PLEC: variants seen among roughly 807,000 people sequenced by gnomAD.
PLEC encodes the protein plectin.
In PLEC, 216 loss-of-function variants were observed where a neutral mutation model predicts 392.8. That is an observed-to-expected ratio of 0.55 (90% confidence interval 0.49 to 0.62). PLEC has a LOEUF of 0.62. PLEC is among the 20% of genes least tolerant of loss of function. The pLI is 0.00. For synonymous variants in PLEC, 3,621 were observed against 2,980.6 expected, an observed-to-expected ratio of 1.21 and a Z score of -7.00; for missense variants, 6,863 against 6,563.4, an observed-to-expected ratio of 1.05 and a Z score of -1.58.
chr8:143,932,063 G>A lies in PLEC; in HGVS notation c.2083-31C>T, dbSNP rs782166470. The A allele has an allele frequency of 1.4e-5, 22 of 1,550,118 alleles. 1 individual carries two copies. In the African/African-American group the frequency reaches 1.8e-4, roughly 13 times the overall value. The stretch of plus-strand genomic sequence containing the variant: ...GGACAGCAGGTCCCGGTCAGGCCCC[G>A]CCCCGCCCCGCCTGGGGACCCGGCA... On this transcript the variant is annotated intron_variant, in intron 17 of 31. Coordinates refer to ENST00000345136, the MANE Select transcript of PLEC (RefSeq NM_201384.3).
rs1820787584 is a variant in PLEC at position 143,917,017 on chromosome 8, G to A, written c.12804C>T (p.Ala4268=). The A allele has an allele frequency of 2.5e-6, 4 of 1,612,512 alleles. No homozygotes were observed. The East Asian group carries it at 8.9e-5, about 36-fold the overall frequency. ...ISPAVSRTQL[A]SWSDPTEETG... ...TCTCCTCAGTGGGGTCTGACCAGGA[G>A]GCCAGCTGGGTCCTGGAGACGGCGG... is the stretch of plus-strand genomic sequence containing the variant. The change falls in exon 32 of 32, where the codon GCC becomes GCT. Residue 4268 remains alanine (A), a synonymous_variant. Coordinates refer to ENST00000345136, the MANE Select transcript of PLEC (RefSeq NM_201384.3).
chr8:143,921,924 G>GGGT lies in PLEC; in HGVS notation c.7896_7897insACC (p.Ala2632_Leu2633insThr). 1.3e-6 allele frequency: 2 copies of GGGT among 1,599,558 alleles called. No homozygotes were observed. The highest frequency in any genetic ancestry group is 1.7e-6 in the Non-Finnish European group (2 of 1,179,802). ...TCTGCCTCTGCCGCGGGGCCATCAA[G>GGGT]TGCATCCCGGCCATTGGGCAGGGTC... is the stretch of plus-strand genomic sequence containing the variant. On this transcript the variant is annotated inframe_insertion, in exon 32 of 32. Transcript: ENST00000345136.
Position 143,931,968 on chromosome 8 carries a change from G to T in PLEC, c.2147C>A (p.Ala716Glu). Residue 716 changes from alanine (A) to glutamate (E), a missense_variant, in exon 18 of 32, where the codon GCA becomes GAA. Ala to Glu is a moderately radical substitution (Grantham distance 107). Coordinates refer to ENST00000345136, the MANE Select transcript of PLEC (RefSeq NM_201384.3). ...WMLQLCCCIE[A>E]HLKENAAYFQ... ...GTAGGCAGCGTTCTCCTTCAGGTGT[G>T]CCTCGATACAGCAGCACAGCTGTAG... The T allele has an allele frequency of 1.2e-6, 2 of 1,607,778 alleles. No homozygotes were observed. The highest frequency in any genetic ancestry group is 1.7e-5 in the Admixed American group (1 of 59,676).
chr8:143,973,857 C>T (rs948560117), upstream of PLEC, among the ~76,000 whole-genome samples: 1 of 152,030 alleles, frequency 6.6e-6, no homozygotes, highest in Non-Finnish European at 1.5e-5. The surrounding 1 kb of genome is among the most constrained non-coding windows in gnomAD (Gnocchi z 5.6). Flanking sequence ...GCCCGCCCCC[C>T]ACCTTGCTTC....
chr8:143,952,926 G>A (rs1267062214), upstream of PLEC, among the ~76,000 whole-genome samples: 1 of 151,832 alleles, frequency 6.6e-6, no homozygotes, highest in Non-Finnish European at 1.5e-5. Flanking sequence ...GCAGGGAGGA[G>A]CCCGGAGCAG....
At chr8:143,955,245 G>A (rs1175195669), upstream of PLEC, among the ~76,000 whole-genome samples, 3 of 152,226 alleles carry the variant, frequency 2.0e-5, no homozygotes, top group Non-Finnish European at 2.9e-5. Context: ...GGGAGGCCGA[G>A]GCAGGTGGAC....
In PLEC at chr8:143,924,473, AGCTGCC is replaced by A. The variant is rs1326734672; in HGVS notation, c.5450_5455del (p.Arg1817_Gln1818del). 1.7e-5 allele frequency: 26 copies of A among 1,541,208 alleles called. No individual in the cohort carries two copies. The highest frequency in any genetic ancestry group is 2.0e-5 in the Non-Finnish European group (23 of 1,153,054). Reference sequence around the variant, plus strand: ...CTGCCGCGCCGCGTCTTCCTCGGCCAGCTGCCGCTGCCGCTTGGCCTCTTCCGCCAG... The same window carrying A: ...CTGCCGCGCCGCGTCTTCCTCGGCCAGCTGCCGCTTGGCCTCTTCCGCCAG... On this transcript the variant is annotated inframe_deletion, in exon 31 of 32. Transcript: ENST00000345136.
At chr8:143,937,274 C>T (rs374706843) in intron 3 of PLEC, 32 bp from the exon 4 acceptor site, 3 of 1,550,562 alleles carry the variant, frequency 1.9e-6, no homozygotes, top group Non-Finnish European at 1.8e-6. Context: ...ACCCACAGTG[C>T]AGCTGCAGCT....
chr8:143,971,586 T>C (rs911129261), intron 1 of PLEC, among the ~76,000 whole-genome samples: 2 of 152,152 alleles, frequency 1.3e-5, no homozygotes, highest in East Asian at 3.9e-4. Flanking sequence ...TCCTCAGCCT[T>C]GGTCCGTGGC....
intron 1 of PLEC, chr8:143,944,864 C>G: frequency 2.0e-6 from 1 of 508,424 alleles, no homozygotes; most frequent in Non-Finnish European, 3.3e-6. Context: ...GAGGAGGGCG[C>G]GCAAGGACCG....
intron 6 of PLEC, 125 bp from the exon 7 acceptor site, chr8:143,935,438 A>T: frequency 1.4e-6 from 1 of 733,352 alleles, no homozygotes; most frequent in Non-Finnish European, 2.4e-6. Flanking sequence ...ACTCACCCTG[A>T]AAAATACACT....
At chr8:143,927,147 C>A in intron 28 of PLEC, 66 bp from the exon 29 acceptor site, 3 of 1,559,156 alleles carry the variant, frequency 1.9e-6, no homozygotes, top group Non-Finnish European at 2.6e-6. Context: ...AGCCCCTAAA[C>A]CCTCACATGG....
chr8:143,951,922 C>A (rs894506185), upstream of PLEC, among the ~76,000 whole-genome samples: 5 of 152,086 alleles, frequency 3.3e-5, no homozygotes, highest in Non-Finnish European at 7.4e-5. Flanking sequence ...GCATGAGAAC[C>A]GCACCCAACA....
At position 143,927,308 on chromosome 8, in the gene PLEC, C is replaced by T. The variant is rs782158050; in HGVS notation, c.3784G>A (p.Gly1262Ser). ...QALLEEIERH[G>S]EKVEECQRFA... ...CTCTGGCACTCCTCGACCTTCTCGC[C>T]GTGGCGCTCGATCTCCTCCAGCAGG... The change falls in exon 28 of 32, where the codon GGC becomes AGC. Residue 1262 changes from glycine to serine, a missense_variant. Transcript: ENST00000345136. The T allele has an allele frequency of 3.7e-5, 59 of 1,613,126 alleles. No individual in the cohort carries two copies. The highest frequency in any genetic ancestry group is 4.2e-5 in the Non-Finnish European group (50 of 1,179,982).
In PLEC at chr8:143,923,901, C is replaced by T; in HGVS notation, c.6028G>A (p.Glu2010Lys). 3 of 1,594,998 alleles carry T rather than the reference C, an allele frequency of 1.9e-6. No individual in the cohort carries two copies. Among genetic ancestry groups the T allele is most frequent in the Non-Finnish European group, 2.5e-6 (3 of 1,178,156 alleles). ...ACCTTGGCTTTCAGCCGCTCGACTT[C>T]CTCCAGCGCCGCCTTCCGCTGCCGT... ...AARQRKAALE[E>K]VERLKAKVEE... The change falls in exon 31 of 32, where the codon GAA (glutamate) becomes AAA (lysine). Residue 2010 changes from glutamate (E) to lysine (K), a missense_variant. Transcript: ENST00000345136.
chr8:143,952,770 T>G (rs1388185605), upstream of PLEC, among the ~76,000 whole-genome samples: 1 of 152,016 alleles, frequency 6.6e-6, no homozygotes, highest in Admixed American at 6.5e-5. Flanking sequence ...TGACCCCCGC[T>G]GGGCCGCCAC....
chr8:143,953,547 C>T (rs1245074051), upstream of PLEC, among the ~76,000 whole-genome samples: 1 of 152,098 alleles, frequency 6.6e-6, no homozygotes, highest in Non-Finnish European at 1.5e-5. Context: ...AGTAGGACCC[C>T]GAACCAGGTG....
At position 143,919,551 on chromosome 8, in the gene PLEC, C is replaced by G; in HGVS notation, c.10270G>C (p.Glu3424Gln). 15 of 1,609,112 alleles carry G rather than the reference C, an allele frequency of 9.3e-6. No individual in the cohort carries two copies. Among genetic ancestry groups the G allele is most frequent in the Non-Finnish European group, 1.3e-5 (15 of 1,178,820 alleles). Residue 3424 changes from glutamate (E) to glutamine (Q), a missense_variant, in exon 32 of 32, where the codon GAG (glutamate) becomes CAG (glutamine). By Grantham distance (29) the Glu-to-Gln change is conservative. Transcript: ENST00000345136. ...GCCTTCTCGGCAGACAGCAGCTGCT[C>G]GTGAAGCTCGGGGCCCACCACGCCC... ...KAGVVGPELHEQLLSAEKAVT... is the reference protein window; with the variant it reads ...KAGVVGPELHQQLLSAEKAVT...
chr8:143,943,428 G>A (rs1320822327), upstream of PLEC, among the ~76,000 whole-genome samples: 1 of 152,194 alleles, frequency 6.6e-6, no homozygotes, highest in Non-Finnish European at 1.5e-5. Context: ...GTGTGTGCAG[G>A]GAGCCACCTC....
Sources: gnomAD v4.1 joint callset for allele counts (sites outside exome capture counted in the v4.1 genomes callset) on GRCh38, gnomAD v4.1.1 for gene constraint, Gnocchi (gnomAD v3.1) non-coding constraint, MANE v1.5 for transcripts, NCBI Gene and HGNC (gene_info 2026-07-23, HGNC 2026-07-21) for gene names.